OR3A2: variants seen among roughly 807,000 people sequenced by gnomAD.
The protein encoded by OR3A2 is olfactory receptor 3A2.
For missense variants in OR3A2, 318 were observed against 392.8 expected (o/e 0.81, Z 1.61); for synonymous variants, 126 against 159.3 (o/e 0.79, Z 1.57).
chr17:3,288,898 T>C (rs2048838794), upstream of OR3A2, among the ~76,000 whole-genome samples: 1 of 152,234 alleles, frequency 6.6e-6, no homozygotes, highest in African/African-American at 2.4e-5. Flanking sequence ...CTCAGTATTA[T>C]TGGCAGTCGC....
intron 3 of OR3A2, among the ~76,000 whole-genome samples, chr17:3,303,147 T>C (rs2048977638): frequency 6.6e-6 from 1 of 152,166 alleles, no homozygotes; most frequent in African/African-American, 2.4e-5. Flanking sequence ...ATATTATATG[T>C]CTTTCTCACG....
At chr17:3,346,582 C>T (rs1405064744) in intron 2 of OR3A2, among the ~76,000 whole-genome samples, 1 of 152,078 alleles carries the variant, frequency 6.6e-6, no homozygotes, top group Non-Finnish European at 1.5e-5. Flanking sequence ...AATGTACAAA[C>T]CATTATTAAT....
chr17:3,326,613 T>A (rs1368118269), intron 3 of OR3A2, among the ~76,000 whole-genome samples: 1 of 150,590 alleles, frequency 6.6e-6, no homozygotes, highest in Non-Finnish European at 1.5e-5. Flanking sequence ...GCAGGTCAGT[T>A]ACATATGTAT....
intron 3 of OR3A2, among the ~76,000 whole-genome samples, chr17:3,324,878 G>A (rs937710391): frequency 7.9e-5 from 12 of 152,028 alleles, no homozygotes; most frequent in Non-Finnish European, 1.8e-4. Context: ...GTGAATGCAT[G>A]TATTAAGTAT....
Position 3,278,469 on chromosome 17 carries a change from G to A in OR3A2, c.449C>T (p.Ala150Val), listed in dbSNP as rs771847273. 15 of 1,614,070 alleles carry A rather than the reference G, an allele frequency of 9.3e-6. No individual in the cohort carries two copies. Among genetic ancestry groups the A allele is most frequent in the East Asian group, 4.5e-5 (2 of 44,894 alleles). ...GTTGGTGAAGGCACAAGCCAAGGAC[G>A]CAGCCACCAACATCCTCTGGACTGT... Residue 150 changes from alanine (A) to valine (V), a missense_variant, in exon 2 of 2, where the codon GCG becomes GTG. Physicochemically the swap from Ala to Val is moderately conservative, Grantham distance 64. Transcript: ENST00000642052.
intron 3 of OR3A2, among the ~76,000 whole-genome samples, chr17:3,334,554 C>T (rs551664146): frequency 1.1e-4 from 17 of 152,178 alleles, no homozygotes; most frequent in Non-Finnish European, 1.6e-4. Context: ...TGGAAATTTC[C>T]GTCATTACTC....
At chr17:3,292,018 G>A (rs776576015) in intron 3 of OR3A2, 1 of 1,614,224 alleles carries the variant, frequency 6.2e-7, no homozygotes. Context: ...CAGGAGAGCT[G>A]GAAGAGCTGT....
chr17:3,326,554 CT>C (rs1248892392), intron 3 of OR3A2, among the ~76,000 whole-genome samples: 10 of 143,228 alleles, frequency 7.0e-5, no homozygotes, highest in African/African-American at 2.7e-4. Flanking sequence ...TTTTTTTTTT[CT>C]TCTTTTTTTT....
chr17:3,307,913 G>C (rs539632599), intron 3 of OR3A2, among the ~76,000 whole-genome samples: 41 of 152,282 alleles, frequency 2.7e-4, no homozygotes, highest in Non-Finnish European at 5.1e-4. Context: ...CACCCAAGAT[G>C]ATGGGCTGGA....
At chr17:3,310,478 C>G (rs1427404851) in intron 3 of OR3A2, 1 of 535,678 alleles carries the variant, frequency 1.9e-6, no homozygotes, top group Non-Finnish European at 3.8e-6. Context: ...TTATGGAAAC[C>G]AAACTCCACA....
At chr17:3,302,516 G>A (rs369981264) in intron 3 of OR3A2, among the ~76,000 whole-genome samples, 1 of 152,114 alleles carries the variant, frequency 6.6e-6, no homozygotes, top group Non-Finnish European at 1.5e-5. Flanking sequence ...GGGAAAACTG[G>A]CTAGCCATAT....
intron 2 of OR3A2, among the ~76,000 whole-genome samples, chr17:3,373,262 A>G (rs1160201503): frequency 6.6e-6 from 1 of 152,154 alleles, no homozygotes; most frequent in Non-Finnish European, 1.5e-5. Context: ...AAAAGAATGT[A>G]TATTCTGCAG....
chr17:3,382,889 C>T (rs1031600102), intron 2 of OR3A2, among the ~76,000 whole-genome samples: 6 of 152,100 alleles, frequency 3.9e-5, no homozygotes, highest in African/African-American at 1.4e-4. Flanking sequence ...AGCTGGAGGT[C>T]AAGGACAACG....
intron 3 of OR3A2, among the ~76,000 whole-genome samples, chr17:3,294,818 C>A (rs1056275441): frequency 6.6e-6 from 1 of 151,952 alleles, no homozygotes; most frequent in Non-Finnish European, 1.5e-5. Context: ...GAAATGTGAT[C>A]CAAAATTGTT....
At chr17:3,313,309 G>A (rs1413163587) in intron 3 of OR3A2, among the ~76,000 whole-genome samples, 1 of 152,146 alleles carries the variant, frequency 6.6e-6, no homozygotes, top group African/African-American at 2.4e-5. Context: ...AGCACACAGA[G>A]GTATCCACAG....
At chr17:3,287,428 C>T (rs9972929), upstream of OR3A2, among the ~76,000 whole-genome samples, 1,337 of 152,148 alleles carry the variant, frequency 8.8e-3, 23 homozygotes, top group African/African-American at 0.03. Flanking sequence ...CATGTGTACG[C>T]GGTATTGTGT....
intron 1 of OR3A2, among the ~76,000 whole-genome samples, chr17:3,282,156 T>A (rs1174673288): frequency 6.6e-6 from 1 of 152,182 alleles, no homozygotes; most frequent in Non-Finnish European, 1.5e-5. Context: ...GGCTCACACC[T>A]GTAATCCCAG....
intron 3 of OR3A2, chr17:3,292,228 T>C (rs147015190): frequency 6.2e-7 from 1 of 1,613,764 alleles, no homozygotes; most frequent in Non-Finnish European, 8.5e-7. Flanking sequence ...GCCATGGCGG[T>C]CAGCAGGAAG....
At chr17:3,278,560 C>A (rs201534646) in exon 2 of OR3A2, 1 of 1,611,286 alleles carries the variant, frequency 6.2e-7, no homozygotes, top group Non-Finnish European at 8.5e-7. Context: ...TAGGCCATGG[C>A]GGTCAGCAGG....
Sources: allele counts gnomAD v4.1 joint callset (sites outside exome capture counted in the v4.1 genomes callset), GRCh38; gene constraint gnomAD v4.1.1; transcripts MANE v1.5; gene names NCBI Gene and HGNC (gene_info 2026-07-23, HGNC 2026-07-21).